Variants in ADA2 observed in about 807,000 individuals in gnomAD.
ADA2 encodes the protein adenosine deaminase CECR1.
A neutral mutation model predicts 44.2 loss-of-function variants in ADA2; 29 were observed. The ratio of observed to expected loss-of-function variants is 0.66; its 90% CI spans 0.49 to 0.89. The LOEUF (loss-of-function observed/expected upper bound fraction) is 0.89, where lower values mean the gene tolerates loss of function less well. Ranked by LOEUF, ADA2 falls within the 40% of genes least tolerant of loss-of-function variation. The probability of loss-of-function intolerance (pLI) is 0.00; values close to 1 mark genes in which losing one functional copy is unlikely to be tolerated. For synonymous variants in ADA2, 215 were observed against 234.9 expected (o/e 0.92, Z 0.77); for missense variants, 637 against 644.8 (o/e 0.99, Z 0.13).
At chr22:17,194,135 C>A (rs1475851942) in intron 4 of ADA2, among the ~76,000 whole-genome samples, 1 of 152,116 alleles carries the variant, frequency 6.6e-6, no homozygotes, top group Non-Finnish European at 1.5e-5. Context: ...TAGTCCTGAC[C>A]AAGGGAATGG....
intron 1 of ADA2, among the ~76,000 whole-genome samples, chr22:17,211,460 C>T (rs1281937250): frequency 6.6e-6 from 1 of 152,184 alleles, no homozygotes; most frequent in Non-Finnish European, 1.5e-5. Context: ...TGTTGAAACT[C>T]CATCTCTACA....
At chr22:17,200,677 T>C (rs1262798149) in intron 4 of ADA2, among the ~76,000 whole-genome samples, 1 of 151,740 alleles carries the variant, frequency 6.6e-6, no homozygotes, top group Non-Finnish European at 1.5e-5. Flanking sequence ...AGGTCAGGAG[T>C]GCAAGACCAG....
upstream of ADA2, among the ~76,000 whole-genome samples, chr22:17,221,479 T>C (rs375795007): frequency 2.0e-5 from 3 of 150,298 alleles, no homozygotes; most frequent in East Asian, 4.0e-4. Context: ...GATGTTCCCC[T>C]TGAAGGGTTT....
intron 8 of ADA2, 142 bp from the exon 9 acceptor site, chr22:17,182,164 A>G: frequency 1.5e-6 from 1 of 658,138 alleles, no homozygotes; most frequent in Non-Finnish European, 2.6e-6. Flanking sequence ...TTCTGGGCAG[A>G]GTCACAAGGA....
At chr22:17,203,078 A>G (rs2062310315) in intron 4 of ADA2, among the ~76,000 whole-genome samples, 1 of 151,898 alleles carries the variant, frequency 6.6e-6, no homozygotes, top group Non-Finnish European at 1.5e-5. Flanking sequence ...CCGGCCGTCT[A>G]TTTCATTTTT....
chr22:17,184,052 G>C lies in ADA2; in HGVS notation c.1082-1291C>G, dbSNP rs568259716. On this transcript the variant is annotated intron_variant, in intron 7 of 9. Transcript: ENST00000399837. ...CGGCTCACTGCAAGCTCCACTTCCC[G>C]GGGTTCATGCCATTCTCCTGCCTCA... Among the ~76,000 whole-genome samples, 26 of 135,936 alleles carry C rather than the reference G, an allele frequency of 1.9e-4. No individual in the cohort carries two copies. In the East Asian group the frequency reaches 5.8e-3, roughly 30 times the overall value. 89.2% of individuals were successfully genotyped at this position (135,936 alleles called of 152,430 possible).
intron 8 of ADA2, among the ~76,000 whole-genome samples, chr22:17,182,392 C>A (rs181370585): frequency 1.0e-3 from 158 of 152,324 alleles, no homozygotes; most frequent in Admixed American, 9.0e-3. Flanking sequence ...CAAAATTCCA[C>A]CCCACTGGGG....
intron 3 of ADA2, among the ~76,000 whole-genome samples, chr22:17,205,835 G>A (rs767970486): frequency 6.6e-6 from 1 of 151,490 alleles, no homozygotes; most frequent in Non-Finnish European, 1.5e-5. Context: ...AAAATTAGCT[G>A]GGCATGATGG....
At chr22:17,219,763 C>T (rs2062509348), upstream of ADA2, among the ~76,000 whole-genome samples, 1 of 151,096 alleles carries the variant, frequency 6.6e-6, no homozygotes, top group African/African-American at 2.4e-5. Context: ...CAGCCTCCGC[C>T]TCCCGGGTTC....
intron 6 of ADA2, chr22:17,189,648 T>C (rs2062090059): frequency 2.8e-6 from 1 of 357,850 alleles, no homozygotes; most frequent in Admixed American, 4.2e-5. Context: ...AGCCCATAAC[T>C]GTGGTCCAAA....
chr22:17,186,894 C>T (rs1403551231), intron 7 of ADA2, among the ~76,000 whole-genome samples: 2 of 149,746 alleles, frequency 1.3e-5, no homozygotes, highest in South Asian at 2.1e-4. Flanking sequence ...TGACCAGGTG[C>T]AGTGGCTCAC....
chr22:17,188,868 A>AAAAAAAAAAAAATAT, intron 6 of ADA2: 3 of 81,182 alleles, frequency 3.7e-5, no homozygotes, highest in Admixed American at 1.3e-4. Context: ...AAGAGCAAAA[A>AAAAAAAAAAAAATAT]ATATATATAT....
At chr22:17,192,116 C>T (rs1193014614) in intron 4 of ADA2, among the ~76,000 whole-genome samples, 3 of 152,062 alleles carry the variant, frequency 2.0e-5, no homozygotes. Context: ...CCCAAAAGTC[C>T]AGCCAGGCTG....
chr22:17,198,799 G>A (rs1403173722), intron 4 of ADA2: 1 of 152,374 alleles, frequency 6.6e-6, no homozygotes, highest in East Asian at 1.9e-4. Flanking sequence ...CGTGGGGGAA[G>A]GGGCCGGAGC....
At chr22:17,210,144 C>A (rs2062403643) in intron 1 of ADA2, among the ~76,000 whole-genome samples, 1 of 151,654 alleles carries the variant, frequency 6.6e-6, no homozygotes, top group Non-Finnish European at 1.5e-5. Context: ...CCCGCCTGGG[C>A]CTCCCAAAGT....
intron 4 of ADA2, chr22:17,193,084 G>C (rs1422589550): frequency 5.0e-6 from 5 of 1,010,076 alleles, no homozygotes; most frequent in Non-Finnish European, 7.5e-6. Context: ...AGTGGTTATG[G>C]GAGCAACAAA....
chr22:17,209,449 T>G lies in ADA2; in HGVS notation c.229A>C (p.Thr77Pro), dbSNP rs1234138061. ...KIAEMKEAMRTLIFPPSMHFF... is the reference protein window; with the variant it reads ...KIAEMKEAMRPLIFPPSMHFF... ...TGCATGCTGGGTGGGAATATCAGGGTCCTCATGGCCTCCTTCATCTCAGCG... is the reference window on the plus strand; with the variant it reads ...TGCATGCTGGGTGGGAATATCAGGGGCCTCATGGCCTCCTTCATCTCAGCG... The change falls in exon 2 of 10, where the codon ACC becomes CCC. Residue 77 changes from threonine (T) to proline (P), a missense_variant. Coordinates refer to ENST00000399837, the MANE Select transcript of ADA2 (RefSeq NM_001282225.2). 6.2e-7 allele frequency: 1 copy of G among 1,614,114 alleles called. No homozygotes were observed. The highest frequency in any genetic ancestry group is 1.7e-5 in the Admixed American group (1 of 60,004).
Position 17,181,381 on chromosome 22 carries a change from G to A in ADA2, c.*102C>T, listed in dbSNP as rs1314768432. 1.2e-6 allele frequency: 1 copy of A among 811,266 alleles called. No individual in the cohort carries two copies. The highest frequency in any genetic ancestry group is 1.7e-5 in the Admixed American group (1 of 57,648). The allele number at this position is 811,266 out of a possible 1,614,324, so 50.3% of individuals were successfully genotyped here. On this transcript the variant is annotated 3_prime_UTR_variant, in exon 10 of 10. Coordinates refer to ENST00000399837, the MANE Select transcript of ADA2 (RefSeq NM_001282225.2). ...TTCTCACAGGGTCGCTCCATACAGA[G>A]GCCATTGATTTCATGGGCACATGGA... is the stretch of plus-strand genomic sequence containing the variant.
At chr22:17,200,178 C>A (rs1475634139) in intron 4 of ADA2, among the ~76,000 whole-genome samples, 1 of 151,600 alleles carries the variant, frequency 6.6e-6, no homozygotes, top group African/African-American at 2.4e-5. Flanking sequence ...CTGGGCAACA[C>A]AGAATGTCTC....
Sources: allele counts gnomAD v4.1 joint callset (sites outside exome capture counted in the v4.1 genomes callset), GRCh38; gene constraint gnomAD v4.1.1; transcripts MANE v1.5; gene names NCBI Gene and HGNC (gene_info 2026-07-23, HGNC 2026-07-21).